TRPC6: variants seen among roughly 807,000 people sequenced by gnomAD.
The protein encoded by TRPC6 is transient receptor potential cation channel subfamily C member 6.
In TRPC6, 55 loss-of-function variants were observed where a neutral mutation model predicts 90.7. The observed-to-expected ratio is 0.61, with a 90% CI of 0.49 to 0.76. TRPC6 has a LOEUF of 0.76. Ranked by LOEUF, TRPC6 falls within the 30% of genes least tolerant of loss-of-function variation. TRPC6 has a pLI of 0.00. For synonymous variants in TRPC6, 393 were observed against 393.0 expected, an observed-to-expected ratio of 1.00 and a Z score of 0.00; for missense variants, 989 against 1,122.7, an observed-to-expected ratio of 0.88 and a Z score of 1.70.
At position 101,453,102 on chromosome 11, in the gene TRPC6, T is replaced by C. The variant is rs1237292014; in HGVS notation, c.2649A>G (p.Glu883=). The C allele has an allele frequency of 6.2e-7, 1 of 1,608,976 alleles. No homozygotes were observed. The highest frequency in any genetic ancestry group is 2.2e-5 in the East Asian group (1 of 44,828). The part of the protein sequence containing the change: ...DKESDEVNEG[E]LKEIKQDISS... ...AGATGTCCTGCTTAATTTCCTTCAG[T>C]TCCCCTTTGAAAGCAAGAGTGATAA... The change falls in exon 13 of 13, where the codon GAA becomes GAG. Residue 883 remains glutamate (E), a synonymous_variant. Transcript: ENST00000344327.
intron 1 of TRPC6, among the ~76,000 whole-genome samples, chr11:101,568,460 CT>C (rs1354097215): frequency 1.3e-5 from 2 of 152,146 alleles, no homozygotes; most frequent in African/African-American, 4.8e-5. Context: ...TCCAGGAGAA[CT>C]TCCCCAACCT....
Position 101,483,031 on chromosome 11 carries a change from G to T in TRPC6, c.1428C>A (p.Ser476Arg). Residue 476 changes from serine (S) to arginine (R), a missense_variant, in exon 5 of 13, where the codon AGC (serine) becomes AGA (arginine). Around this residue, in one of 4 missense-constraint regions of TRPC6, gnomAD observed 486 missense variants for 591.9 expected, o/e 0.82. Transcript: ENST00000344327. ...EGTKLLPNETSTDNAKQLFRM... is the reference protein window; with the variant it reads ...EGTKLLPNETRTDNAKQLFRM... Reference sequence around the variant, plus strand: ...TGAACAGCTGTTTTGCATTATCTGTGCTGGTTTCATTAGGAAGGAGTTTTG... The same window carrying T: ...TGAACAGCTGTTTTGCATTATCTGTTCTGGTTTCATTAGGAAGGAGTTTTG... 1 of 1,614,028 alleles carries T rather than the reference G, an allele frequency of 6.2e-7. No individual in the cohort carries two copies. Among genetic ancestry groups the T allele is most frequent in the Non-Finnish European group, 8.5e-7 (1 of 1,179,946 alleles).
intron 2 of TRPC6, among the ~76,000 whole-genome samples, chr11:101,502,597 A>C (rs1193001255): frequency 2.0e-5 from 3 of 152,252 alleles, no homozygotes; most frequent in African/African-American, 7.2e-5. Context: ...AATTAATATT[A>C]ATCAGAGTTC....
At chr11:101,505,789 C>T (rs991425697) in intron 1 of TRPC6, among the ~76,000 whole-genome samples, 12 of 152,008 alleles carry the variant, frequency 7.9e-5, no homozygotes, top group African/African-American at 1.2e-4. Context: ...CCAAGGTGGG[C>T]GAATCACTTG....
At chr11:101,544,586 T>C (rs1861253931) in intron 1 of TRPC6, among the ~76,000 whole-genome samples, 1 of 152,080 alleles carries the variant, frequency 6.6e-6, no homozygotes, top group Admixed American at 6.5e-5. Context: ...TGCAGGGACA[T>C]GAATGAAGCT....
intron 1 of TRPC6, among the ~76,000 whole-genome samples, chr11:101,552,092 T>C (rs1340972497): frequency 6.6e-6 from 1 of 152,080 alleles, no homozygotes; most frequent in Non-Finnish European, 1.5e-5. Context: ...TCTTGTAAGT[T>C]TGCAAGTAAA....
chr11:101,551,442 G>T (rs767319031), intron 1 of TRPC6, among the ~76,000 whole-genome samples: 14 of 151,828 alleles, frequency 9.2e-5, no homozygotes, highest in Non-Finnish European at 1.8e-4. Context: ...TATTTTCTTT[G>T]TTGGCATAAT....
chr11:101,522,326 C>T (rs183799591), intron 1 of TRPC6, among the ~76,000 whole-genome samples: 1 of 152,308 alleles, frequency 6.6e-6, no homozygotes, highest in African/African-American at 2.4e-5. Context: ...CTCTCTTCCT[C>T]CTTCTCTGGT....
intron 2 of TRPC6, among the ~76,000 whole-genome samples, chr11:101,501,555 C>T (rs1860126137): frequency 6.6e-6 from 1 of 151,966 alleles, no homozygotes; most frequent in South Asian, 2.1e-4. Context: ...AGTTAGTGTC[C>T]CAGTAGCCAT....
rs762683582 is a variant in TRPC6 at position 101,453,729 on chromosome 11, GA to G, written c.2569-5del. On this transcript the variant is annotated splice_polypyrimidine_tract_variant and splice_region_variant and intron_variant, in intron 11 of 12. Coordinates refer to ENST00000344327, the MANE Select transcript of TRPC6 (RefSeq NM_004621.6). ...TAATGAGCCTTTTCATTATTTTCTA[GA>G]AAACAGAGAAAGGAGAAATCTATGT... The G allele has an allele frequency of 1.2e-6, 2 of 1,611,510 alleles. No homozygotes were observed. The highest frequency in any genetic ancestry group is 1.7e-6 in the Non-Finnish European group (2 of 1,177,978).
At chr11:101,572,103 T>A (rs11224869) in intron 1 of TRPC6, among the ~76,000 whole-genome samples, 57,403 of 151,752 alleles carry the variant, frequency 0.38, 11,528 homozygotes, top group Non-Finnish European at 0.46. Context: ...ATGGGAGAAA[T>A]TTTTTGCAAT....
At chr11:101,571,608 G>C (rs1458346152) in intron 1 of TRPC6, among the ~76,000 whole-genome samples, 1 of 152,144 alleles carries the variant, frequency 6.6e-6, no homozygotes, top group Non-Finnish European at 1.5e-5. Flanking sequence ...CACGCTACCT[G>C]ACTTCAAACT....
chr11:101,555,289 C>A (rs1478352675), intron 1 of TRPC6, among the ~76,000 whole-genome samples: 1 of 152,250 alleles, frequency 6.6e-6, no homozygotes, highest in African/African-American at 2.4e-5. Flanking sequence ...TTCTTCCGTT[C>A]CAAAGGCTGT....
intron 9 of TRPC6, among the ~76,000 whole-genome samples, chr11:101,469,924 T>G (rs1439562681): frequency 6.6e-6 from 1 of 152,208 alleles, no homozygotes; most frequent in Non-Finnish European, 1.5e-5. Context: ...TAGATATAAT[T>G]TTTTTCACAT....
intron 2 of TRPC6, among the ~76,000 whole-genome samples, chr11:101,492,490 G>A (rs1275042335): frequency 1.3e-5 from 2 of 152,092 alleles, no homozygotes; most frequent in Admixed American, 1.3e-4. Flanking sequence ...AGGAGGCTGA[G>A]ATGGGAGGAT....
Position 101,494,761 on chromosome 11 carries a change from T to G in TRPC6, c.946-3023A>C, listed in dbSNP as rs377347765. On this transcript the variant is annotated intron_variant, in intron 2 of 12. Coordinates refer to ENST00000344327, the MANE Select transcript of TRPC6 (RefSeq NM_004621.6). ...AGAGCTTTGTGGTATTTAATAACCT[T>G]AATCTATAAATTTTTGTCCAATTCA... 8.0e-4 allele frequency among the ~76,000 whole-genome samples: 122 copies of G among 152,316 alleles called. 3 individuals carry two copies. In the South Asian group the frequency reaches 0.018, roughly 23 times the overall value.
At chr11:101,461,727 G>A (rs1021085453) in intron 10 of TRPC6, among the ~76,000 whole-genome samples, 51 of 152,168 alleles carry the variant, frequency 3.4e-4, no homozygotes, top group African/African-American at 1.2e-3. Flanking sequence ...GACATTTGCA[G>A]GTACCAAAAC....
rs546703764 is a variant in TRPC6, at chr11:101,533,288, C to T, written c.171-28490G>A. On this transcript the variant is annotated intron_variant, in intron 1 of 12. Coordinates refer to ENST00000344327, the MANE Select transcript of TRPC6 (RefSeq NM_004621.6). ...GGCATCTACCTCTGGGGAGGCCTCA[C>T]GAGGCTTCCAATCATGGTGGAAGGC... Among the ~76,000 whole-genome samples the T allele has an allele frequency of 7.2e-5, 11 of 152,166 alleles. No homozygotes were observed. In the East Asian group the frequency reaches 1.4e-3, roughly 19 times the overall value.
Position 101,504,592 on chromosome 11 carries a change from A to G in TRPC6, c.377T>C (p.Val126Ala). 1 of 1,613,996 alleles carries G rather than the reference A, an allele frequency of 6.2e-7. No individual in the cohort carries two copies. Among genetic ancestry groups the G allele is most frequent in the South Asian group, 1.1e-5 (1 of 91,086 alleles). Residue 126 changes from valine to alanine, a missense_variant, in exon 2 of 13, where the codon GTT becomes GCT. Transcript: ENST00000344327. Reference sequence around the variant, plus strand: ...CTGGCCCATGTAATCCACACAGTTAACGTTGAGTGAGTGGCATTCTTCTAA... The same window carrying G: ...CTGGCCCATGTAATCCACACAGTTAGCGTTGAGTGAGTGGCATTCTTCTAA... ...KMLEECHSLNVNCVDYMGQNA... is the reference protein window; with the variant it reads ...KMLEECHSLNANCVDYMGQNA...
Sources: allele counts gnomAD v4.1 joint callset (sites outside exome capture counted in the v4.1 genomes callset), GRCh38; gene constraint gnomAD v4.1.1; regional missense constraint gnomAD v4.1.1; transcripts MANE v1.5; gene names NCBI Gene and HGNC (gene_info 2026-07-23, HGNC 2026-07-21).